AGBL1: variants seen among roughly 807,000 people sequenced by gnomAD.
AGBL1 encodes the protein AGBL carboxypeptidase 1, also known as cytosolic carboxypeptidase 4.
A neutral mutation model predicts 118.9 loss-of-function variants in AGBL1; 130 were observed. The ratio of observed to expected loss-of-function variants is 1.09; its 90% CI spans 0.95 to 1.26. The LOEUF (loss-of-function observed/expected upper bound fraction) is 1.26, where lower values mean the gene tolerates loss of function less well. AGBL1 is among the 50% of genes most tolerant of loss of function. AGBL1 has a pLI of 0.00. For synonymous variants in AGBL1, 555 were observed against 478.9 expected (o/e 1.16, Z -2.08); for missense variants, 1,584 against 1,298.1 (o/e 1.22, Z -3.38).
intron 22 of AGBL1, among the ~76,000 whole-genome samples, chr15:86,775,985 A>G (rs1311383231): frequency 6.6e-6 from 1 of 152,062 alleles, no homozygotes; most frequent in Non-Finnish European, 1.5e-5. Context: ...CCTTTGCTAG[A>G]CGTAAGTGGG....
At chr15:86,648,263 C>T (rs1237721437) in intron 21 of AGBL1, among the ~76,000 whole-genome samples, 1 of 152,092 alleles carries the variant, frequency 6.6e-6, no homozygotes, top group Non-Finnish European at 1.5e-5. Flanking sequence ...GAGGCTATTG[C>T]AGTTCTCAGT....
chr15:86,621,509 C>T (rs956141906), intron 21 of AGBL1, among the ~76,000 whole-genome samples: 3 of 152,192 alleles, frequency 2.0e-5, no homozygotes, highest in Non-Finnish European at 4.4e-5. Context: ...TCAATCTCTG[C>T]CTCCATCTTC....
chr15:86,342,925 T>C (rs1567208568), intron 17 of AGBL1, among the ~76,000 whole-genome samples: 1 of 152,178 alleles, frequency 6.6e-6, no homozygotes, highest in Non-Finnish European at 1.5e-5. Context: ...ATTTTGTAAA[T>C]TCAAAGGAGA....
chr15:86,934,871 A>G (rs2141641813), intron 23 of AGBL1, among the ~76,000 whole-genome samples: 1 of 152,338 alleles, frequency 6.6e-6, no homozygotes, highest in African/African-American at 2.4e-5. Flanking sequence ...TATTTTTTAA[A>G]CACTGATTTT....
Position 86,776,342 on chromosome 15 carries a change from C to T in AGBL1, c.3158+101906C>T, listed in dbSNP as rs115789157. ...AACTTGGTGATATCCATGTAGTTGC[C>T]CTTTGACAATCTGGAAGTGATATAA... On this transcript the variant is annotated intron_variant, in intron 22 of 22. Transcript: ENST00000614907. Among the ~76,000 whole-genome samples the T allele has an allele frequency of 4.6e-3, 692 of 152,088 alleles. 8 individuals carry two copies. The highest frequency in any genetic ancestry group is 0.015 in the African/African-American group (623 of 41,504).
At chr15:86,286,120 T>A (rs1051873468) in intron 16 of AGBL1, among the ~76,000 whole-genome samples, 16 of 152,068 alleles carry the variant, frequency 1.1e-4, no homozygotes, top group African/African-American at 3.9e-4. Context: ...CTTTTTCTTT[T>A]TTTTTACAGA....
chr15:86,471,773 G>A (rs1476552265), intron 18 of AGBL1, among the ~76,000 whole-genome samples: 2 of 152,098 alleles, frequency 1.3e-5, no homozygotes, highest in African/African-American at 4.8e-5. Flanking sequence ...TTTTAAAACT[G>A]AGGGTCATTT....
chr15:86,837,044 G>A (rs905899042), intron 22 of AGBL1, among the ~76,000 whole-genome samples: 1 of 152,092 alleles, frequency 6.6e-6, no homozygotes, highest in African/African-American at 2.4e-5. Context: ...AAAGGGCTTG[G>A]AAGACAGCCA....
chr15:86,264,821 A>T lies in AGBL1; in HGVS notation c.1650A>T (p.Arg550=). The T allele has an allele frequency of 6.2e-7, 1 of 1,607,504 alleles. No individual in the cohort carries two copies. The highest frequency in any genetic ancestry group is 2.2e-5 in the East Asian group (1 of 44,842). The change falls in exon 11 of 23, where the codon CGA becomes CGT. Residue 550 remains arginine, a synonymous_variant. Transcript: ENST00000614907. ...PPPTTQPMLE[R]KCGVQRIRIF... ...CCACCACCCAGCCTATGTTGGAACG[A>T]AAATGTGGAGTCCAAAGGTGATGGC...
intron 17 of AGBL1, among the ~76,000 whole-genome samples, chr15:86,330,448 G>GA (rs548579771): frequency 6.6e-6 from 1 of 151,986 alleles, no homozygotes; most frequent in Non-Finnish European, 1.5e-5. Flanking sequence ...GAAAGGGAAA[G>GA]AAAAAAACTA....
intron 5 of AGBL1, among the ~76,000 whole-genome samples, chr15:86,194,547 A>G (rs2077770798): frequency 6.6e-6 from 1 of 152,198 alleles, no homozygotes. Flanking sequence ...CTGGAAATTG[A>G]TGCTCTCTGT....
chr15:86,198,603 A>T (rs2077853515), intron 5 of AGBL1, among the ~76,000 whole-genome samples: 1 of 152,174 alleles, frequency 6.6e-6, no homozygotes, highest in African/African-American at 2.4e-5. Context: ...ATTAAATTAG[A>T]TCATAAGGGT....
At chr15:86,697,551 G>A (rs1442196996) in intron 22 of AGBL1, among the ~76,000 whole-genome samples, 1 of 149,326 alleles carries the variant, frequency 6.7e-6, no homozygotes, top group African/African-American at 2.5e-5. Context: ...TTTCTCTTGT[G>A]CCTCTTTGAT....
intron 21 of AGBL1, among the ~76,000 whole-genome samples, chr15:86,611,391 T>C (rs1160541653): frequency 6.6e-6 from 1 of 152,184 alleles, no homozygotes; most frequent in Non-Finnish European, 1.5e-5. Flanking sequence ...CAGGAGGAAA[T>C]CAAATTTAAT....
intron 22 of AGBL1, among the ~76,000 whole-genome samples, chr15:86,851,398 A>G (rs76697721): frequency 0.023 from 3,539 of 152,232 alleles, 129 homozygotes; most frequent in East Asian, 0.18. Context: ...GGGGGCAAAC[A>G]GTGAGGACAG....
rs1251636757 is a variant in AGBL1, at chr15:86,237,788, C to T, written c.527-9883C>T. ...GAAAGGCGAGTGAGAAATTCTCAGC[C>T]TGACAGATTCCCCCGCTTTTGCACA... On this transcript the variant is annotated intron_variant, in intron 6 of 22. Coordinates refer to ENST00000614907, the MANE Select transcript of AGBL1 (RefSeq NM_001386094.1). Among the ~76,000 whole-genome samples the T allele has an allele frequency of 3.3e-5, 5 of 152,158 alleles. No individual in the cohort carries two copies. The East Asian group carries it at 7.7e-4, about 23-fold the overall frequency.
At chr15:86,297,831 C>G (rs1174264715) in intron 17 of AGBL1, among the ~76,000 whole-genome samples, 1 of 152,082 alleles carries the variant, frequency 6.6e-6, no homozygotes, top group Non-Finnish European at 1.5e-5. Flanking sequence ...CCAGACTCCA[C>G]ACACACAACA....
intron 21 of AGBL1, among the ~76,000 whole-genome samples, chr15:86,580,282 C>T (rs2084155546): frequency 6.6e-6 from 1 of 152,088 alleles, no homozygotes; most frequent in Non-Finnish European, 1.5e-5. Context: ...CTTGTTACTA[C>T]TAACTTGCTA....
At chr15:86,780,774 C>T (rs2078325572) in intron 22 of AGBL1, among the ~76,000 whole-genome samples, 1 of 151,784 alleles carries the variant, frequency 6.6e-6, no homozygotes, top group African/African-American at 2.4e-5. Flanking sequence ...AGCAATTCTC[C>T]TGCCTCAGTC....
Sources: gnomAD v4.1 joint callset for allele counts (sites outside exome capture counted in the v4.1 genomes callset) on GRCh38, gnomAD v4.1.1 for gene constraint, MANE v1.5 for transcripts, NCBI Gene and HGNC (gene_info 2026-07-23, HGNC 2026-07-21) for gene names.